MACROD2: variants seen among roughly 807,000 people sequenced by gnomAD.
The protein encoded by MACROD2 is ADP-ribose glycohydrolase MACROD2.
MACROD2 carries 36 observed loss-of-function variants against 70.4 expected under a neutral mutation model. The ratio of observed to expected loss-of-function variants is 0.51; its 90% CI spans 0.39 to 0.68. The LOEUF is 0.68. MACROD2 is among the 30% of genes least tolerant of loss of function. The pLI, the probability that MACROD2 is intolerant of heterozygous loss-of-function variation, is 0.00. For synonymous variants in MACROD2, 172 were observed against 178.8 expected, an observed-to-expected ratio of 0.96 and a Z score of 0.30; for missense variants, 496 against 538.4, an observed-to-expected ratio of 0.92 and a Z score of 0.78.
intron 5 of MACROD2, among the ~76,000 whole-genome samples, chr20:14,988,237 A>G (rs551529463): frequency 2.6e-5 from 4 of 151,094 alleles, no homozygotes; most frequent in African/African-American, 9.7e-5. Context: ...GGTGGCGTAC[A>G]CCTATAATTT....
rs140724644 is a variant in MACROD2, at chr20:14,063,130, A to G, written c.164-22491A>G. 3.7e-4 allele frequency among the ~76,000 whole-genome samples: 57 copies of G among 152,350 alleles called. No individual in the cohort carries two copies. In the East Asian group the frequency reaches 9.8e-3, roughly 26 times the overall value. On this transcript the variant is annotated intron_variant, in intron 2 of 17. Coordinates refer to ENST00000684519, the MANE Select transcript of MACROD2 (RefSeq NM_001351661.2). Reference sequence around the variant, plus strand: ...TATATTATAGTGTTTTTATGATTAAAAAATGGGACATGGCTTAAATGGCTT... The same window carrying G: ...TATATTATAGTGTTTTTATGATTAAGAAATGGGACATGGCTTAAATGGCTT...
chr20:14,376,791 A>G (rs917719949), intron 3 of MACROD2, among the ~76,000 whole-genome samples: 5 of 124,552 alleles, frequency 4.0e-5, no homozygotes, highest in African/African-American at 1.6e-4. Context: ...TAATAATAAT[A>G]ATAATAATGT....
At chr20:15,063,275 A>G (rs1413211689) in intron 5 of MACROD2, among the ~76,000 whole-genome samples, 1 of 151,720 alleles carries the variant, frequency 6.6e-6, no homozygotes, top group Non-Finnish European at 1.5e-5. Flanking sequence ...TCAAGAAAAA[A>G]CAAATTAAGG....
intron 7 of MACROD2, among the ~76,000 whole-genome samples, chr20:15,494,667 G>A (rs2047271579): frequency 6.6e-6 from 1 of 151,772 alleles, no homozygotes. Flanking sequence ...TTGAGGGCTG[G>A]GCATTGACTC....
At chr20:14,997,948 A>C (rs756010323) in intron 5 of MACROD2, among the ~76,000 whole-genome samples, 25 of 152,190 alleles carry the variant, frequency 1.6e-4, no homozygotes, top group Non-Finnish European at 3.5e-4. Flanking sequence ...AGAACAAGAG[A>C]CTGCTGGTAA....
At chr20:15,162,887 A>G (rs1438964222) in intron 5 of MACROD2, among the ~76,000 whole-genome samples, 1 of 152,130 alleles carries the variant, frequency 6.6e-6, no homozygotes, top group Non-Finnish European at 1.5e-5. Context: ...CTTGGTGATA[A>G]CAAAGGAGAA....
chr20:15,062,926 T>G (rs967387303), intron 5 of MACROD2, among the ~76,000 whole-genome samples: 6 of 152,190 alleles, frequency 3.9e-5, no homozygotes, highest in African/African-American at 1.2e-4. Flanking sequence ...AAACCTCCAT[T>G]ATTGCCAGCA....
chr20:15,940,785 G>A (rs1290012824), intron 12 of MACROD2, among the ~76,000 whole-genome samples: 1 of 152,222 alleles, frequency 6.6e-6, no homozygotes, highest in African/African-American at 2.4e-5. Flanking sequence ...GAAACCCTAG[G>A]TCATCTTAGA....
chr20:14,725,365 A>G (rs1206917555), intron 5 of MACROD2, among the ~76,000 whole-genome samples: 1 of 152,106 alleles, frequency 6.6e-6, no homozygotes, highest in Non-Finnish European at 1.5e-5. Flanking sequence ...CAGAGAATGG[A>G]GATGGAAAAA....
chr20:15,523,440 C>G (rs907608774), intron 8 of MACROD2, among the ~76,000 whole-genome samples: 5 of 152,184 alleles, frequency 3.3e-5, no homozygotes, highest in African/African-American at 1.2e-4. Flanking sequence ...TAGTCTGGGT[C>G]AGACAAAGGA....
intron 8 of MACROD2, among the ~76,000 whole-genome samples, chr20:15,802,389 T>A (rs1482586720): frequency 6.6e-6 from 1 of 152,150 alleles, no homozygotes; most frequent in Non-Finnish European, 1.5e-5. Context: ...TGTTAAGAGT[T>A]TTTATAATGA....
chr20:15,771,458 T>C (rs2051625526), intron 8 of MACROD2, among the ~76,000 whole-genome samples: 2 of 151,842 alleles, frequency 1.3e-5, no homozygotes, highest in Admixed American at 6.6e-5. Context: ...GCTACGATTA[T>C]GGATGTGAAC....
intron 5 of MACROD2, among the ~76,000 whole-genome samples, chr20:15,087,018 C>T (rs2075753907): frequency 1.3e-5 from 2 of 152,084 alleles, no homozygotes; most frequent in South Asian, 4.1e-4. Context: ...AACATTTTTA[C>T]TCTTTGATAC....
intron 4 of MACROD2, among the ~76,000 whole-genome samples, chr20:14,558,006 A>G (rs568896899): frequency 1.3e-5 from 2 of 151,976 alleles, no homozygotes; most frequent in South Asian, 2.1e-4. Flanking sequence ...AACAAAATAT[A>G]TCCATAAAAT....
At chr20:14,804,583 C>T (rs557720690) in intron 5 of MACROD2, among the ~76,000 whole-genome samples, 25 of 151,874 alleles carry the variant, frequency 1.6e-4, no homozygotes, top group African/African-American at 6.0e-4. Flanking sequence ...AGGAGGAGAC[C>T]CATGGAAAAT....
rs6135504 is a variant in MACROD2, at chr20:15,777,048, A to T, written c.646-85697A>T. On this transcript the variant is annotated intron_variant, in intron 8 of 17. Coordinates refer to ENST00000684519, the MANE Select transcript of MACROD2 (RefSeq NM_001351661.2). ...TTGAAATTCGGCTCATTGTGATTCA[A>T]TGCTAGATTCTATAAAAACAACAGT... Among the ~76,000 whole-genome samples, 96 of 152,288 alleles carry T rather than the reference A, an allele frequency of 6.3e-4. No homozygotes were observed. The East Asian group carries it at 0.012, about 18-fold the overall frequency.
At chr20:14,529,998 A>G (rs1177974150) in intron 4 of MACROD2, among the ~76,000 whole-genome samples, 1 of 152,204 alleles carries the variant, frequency 6.6e-6, no homozygotes, top group East Asian at 1.9e-4. Context: ...GCGGAGGGGA[A>G]GTGATACAAG....
At chr20:15,990,018 A>G (rs75379239) in intron 15 of MACROD2, among the ~76,000 whole-genome samples, 2,326 of 152,276 alleles carry the variant, frequency 0.015, 55 homozygotes, top group African/African-American at 0.053. Context: ...TTTGAAAAGA[A>G]GGAAAAATAT....
chr20:15,330,992 G>A (rs545178896), intron 6 of MACROD2, among the ~76,000 whole-genome samples: 65 of 151,622 alleles, frequency 4.3e-4, no homozygotes, highest in Middle Eastern at 3.4e-3. Flanking sequence ...CTTTGAAAAC[G>A]GAGGCAAAAA....
Sources: gnomAD v4.1 joint callset for allele counts (sites outside exome capture counted in the v4.1 genomes callset) on GRCh38, gnomAD v4.1.1 for gene constraint, MANE v1.5 for transcripts, NCBI Gene and HGNC (gene_info 2026-07-23, HGNC 2026-07-21) for gene names.